DTNB: variants seen among roughly 807,000 people sequenced by gnomAD.
DTNB encodes the protein dystrobrevin beta.
A neutral mutation model predicts 90.7 loss-of-function variants in DTNB; 63 were observed. The ratio of observed to expected loss-of-function variants is 0.69; its 90% CI spans 0.57 to 0.86. The LOEUF (loss-of-function observed/expected upper bound fraction) is 0.86, where lower values mean the gene tolerates loss of function less well. Among genes scored for constraint, DTNB ranks in the 40% least tolerant of loss-of-function variants. The pLI is 0.00. For missense variants in DTNB, 744 were observed against 807.1 expected (o/e 0.92, Z 0.95); for synonymous variants, 277 against 286.7 (o/e 0.97, Z 0.34).
intron 1 of DTNB, among the ~76,000 whole-genome samples, chr2:25,662,794 C>T (rs944192963): frequency 3.9e-5 from 6 of 151,934 alleles, no homozygotes; most frequent in African/African-American, 1.2e-4. Context: ...GAATTATGAC[C>T]GCAGAGGTAT....
intron 10 of DTNB, among the ~76,000 whole-genome samples, chr2:25,470,470 G>A (rs2062589500): frequency 6.6e-6 from 1 of 150,522 alleles, no homozygotes; most frequent in Admixed American, 6.7e-5. Flanking sequence ...CTGCCTCCCA[G>A]GTTCAGGCAA....
chr2:25,432,327 A>G (rs1291792848), intron 14 of DTNB, among the ~76,000 whole-genome samples: 1 of 151,916 alleles, frequency 6.6e-6, no homozygotes, highest in Non-Finnish European at 1.5e-5. Context: ...CCTCCAAAAC[A>G]CCATCAAACA....
intron 6 of DTNB, among the ~76,000 whole-genome samples, chr2:25,582,848 A>G (rs781697950): frequency 9.9e-5 from 15 of 152,210 alleles, no homozygotes; most frequent in East Asian, 1.9e-4. Flanking sequence ...GAACCAGTGA[A>G]TAACATTAAA....
chr2:25,499,988 T>C lies in DTNB; in HGVS notation c.1002-17115A>G, dbSNP rs529364466. ...ATAGCTCACTACAACCTCAAACTCC[T>C]GAGCTGAAGGGATCCTCTTGCCTCA... On this transcript the variant is annotated intron_variant, in intron 9 of 20. Transcript: ENST00000406818. Among the ~76,000 whole-genome samples, 14 of 152,306 alleles carry C rather than the reference T, an allele frequency of 9.2e-5. No homozygotes were observed. The South Asian group carries it at 2.9e-3, about 32-fold the overall frequency.
At chr2:25,525,158 A>G (rs779475046) in intron 9 of DTNB, among the ~76,000 whole-genome samples, 8 of 152,218 alleles carry the variant, frequency 5.3e-5, no homozygotes, top group Non-Finnish European at 1.2e-4. Flanking sequence ...GAGCATGACC[A>G]TTTATATACA....
Position 25,451,653 on chromosome 2 carries a change from A to G in DTNB, c.1170-18T>C. ...CCAGAACACTGCCAAGGAAATAAAAATGCAACAAGTGTCTATTAAACATCC... is the reference window on the plus strand; with the variant it reads ...CCAGAACACTGCCAAGGAAATAAAAGTGCAACAAGTGTCTATTAAACATCC... On this transcript the variant is annotated intron_variant, in intron 11 of 20. Coordinates refer to ENST00000406818, the MANE Select transcript of DTNB (RefSeq NM_021907.5). The G allele has an allele frequency of 6.4e-7, 1 of 1,560,316 alleles. No individual in the cohort carries two copies. Among genetic ancestry groups the G allele is most frequent in the Non-Finnish European group, 8.7e-7 (1 of 1,149,850 alleles).
At chr2:25,649,098 A>G (rs1047184943) in intron 2 of DTNB, among the ~76,000 whole-genome samples, 16 of 132,668 alleles carry the variant, frequency 1.2e-4, no homozygotes, top group African/African-American at 4.6e-4. Context: ...TCCGCCTCCC[A>G]GGTTCACGCC....
chr2:25,629,842 C>T (rs1013835761), intron 3 of DTNB, among the ~76,000 whole-genome samples: 4 of 152,160 alleles, frequency 2.6e-5, no homozygotes, highest in Non-Finnish European at 5.9e-5. Flanking sequence ...CCCTCAAGAT[C>T]AGGAACAAGA....
chr2:25,388,090 G>T, intron 17 of DTNB, 112 bp downstream of exon 17: 1 of 1,484,576 alleles, frequency 6.7e-7, no homozygotes, highest in Non-Finnish European at 9.0e-7. Context: ...GTCAAAATCT[G>T]ATCATTCCAA....
At chr2:25,558,454 T>C (rs1042968402) in intron 8 of DTNB, 1 of 961,944 alleles carries the variant, frequency 1.0e-6, no homozygotes, top group Non-Finnish European at 1.2e-6. Context: ...GGGCTGTGGC[T>C]AAGTGATGAC....
intron 16 of DTNB, among the ~76,000 whole-genome samples, chr2:25,392,411 A>AAAAT (rs1366144161): frequency 6.6e-6 from 1 of 152,136 alleles, no homozygotes; most frequent in Non-Finnish European, 1.5e-5. Flanking sequence ...CTCCATCTCA[A>AAAAT]AAATGAATGA....
At chr2:25,428,093 T>C (rs2052480909) in intron 14 of DTNB, 4 of 152,448 alleles carry the variant, frequency 2.6e-5, no homozygotes. Context: ...CACTTTTCCT[T>C]GAGGATAGAT....
At chr2:25,596,054 T>C in intron 6 of DTNB, 32 bp downstream of exon 6, 1 of 1,544,496 alleles carries the variant, frequency 6.5e-7, no homozygotes, top group Non-Finnish European at 8.7e-7. Context: ...AGAGCGCTCT[T>C]CTAGCCCTAG....
intron 8 of DTNB, among the ~76,000 whole-genome samples, chr2:25,539,914 AT>A (rs1356925462): frequency 6.6e-6 from 1 of 152,058 alleles, no homozygotes; most frequent in Non-Finnish European, 1.5e-5. Context: ...AAATAATCCA[AT>A]TTTGTCCTAC....
chr2:25,492,583 G>T (rs2067787780), intron 9 of DTNB, among the ~76,000 whole-genome samples: 1 of 152,164 alleles, frequency 6.6e-6, no homozygotes, highest in Admixed American at 6.5e-5. Context: ...GAAGGAGTAG[G>T]CTGGGTGCAG....
At chr2:25,400,328 G>A (rs1037290228) in intron 16 of DTNB, among the ~76,000 whole-genome samples, 4 of 152,216 alleles carry the variant, frequency 2.6e-5, no homozygotes, top group South Asian at 2.1e-4. Flanking sequence ...ATGGAGCACC[G>A]CACTGTGCAA....
At chr2:25,632,791 T>C (rs2076055626) in intron 3 of DTNB, among the ~76,000 whole-genome samples, 1 of 152,218 alleles carries the variant, frequency 6.6e-6, no homozygotes, top group Admixed American at 6.5e-5. Flanking sequence ...AGGTACTCTC[T>C]TATAAGCAAC....
chr2:25,455,807 T>C (rs1302033254), intron 10 of DTNB, among the ~76,000 whole-genome samples: 1 of 152,246 alleles, frequency 6.6e-6, no homozygotes, highest in African/African-American at 2.4e-5. Flanking sequence ...TGCTGCGCTC[T>C]GTGATGATGC....
chr2:25,412,033 A>G (rs564134517), intron 16 of DTNB, among the ~76,000 whole-genome samples: 8 of 152,344 alleles, frequency 5.3e-5, no homozygotes, highest in African/African-American at 1.7e-4. Flanking sequence ...CAAGGGGTTC[A>G]CCAACAATCT....
Sources: allele counts gnomAD v4.1 joint callset (sites outside exome capture counted in the v4.1 genomes callset), GRCh38; gene constraint gnomAD v4.1.1; transcripts MANE v1.5; gene names NCBI Gene and HGNC (gene_info 2026-07-23, HGNC 2026-07-21).